LGSN: variants seen among roughly 807,000 people sequenced by gnomAD.
LGSN encodes the protein lengsin, lens protein with glutamine synthetase domain, also known as lengsin.
In LGSN, 21 loss-of-function variants were observed where a neutral mutation model predicts 19.5. The ratio of observed to expected loss-of-function variants is 1.07; its 90% CI spans 0.76 to 1.55. LGSN has a LOEUF of 1.55. Among genes scored for constraint, LGSN ranks in the 40% most tolerant of loss-of-function variants. The pLI, the probability that LGSN is intolerant of heterozygous loss-of-function variation, is 0.00. For missense variants in LGSN, 673 were observed against 608.5 expected (o/e 1.11, Z -1.12); for synonymous variants, 257 against 215.6 (o/e 1.19, Z -1.68).
chr6:63,314,448 A>G (rs984043194), intron 1 of LGSN, among the ~76,000 whole-genome samples: 4 of 152,172 alleles, frequency 2.6e-5, no homozygotes, highest in Non-Finnish European at 4.4e-5. Flanking sequence ...AATTTGTTAT[A>G]TTAGCCCAAA....
At chr6:63,459,553 C>A in the LGSN span, among the ~76,000 whole-genome samples, 2 of 152,006 alleles carry the variant, frequency 1.3e-5, no homozygotes, top group Admixed American at 6.6e-5. Context: ...CCATACCCAC[C>A]CCCGCCGCCC....
At chr6:63,306,381 T>C (rs1768387273) in intron 1 of LGSN, among the ~76,000 whole-genome samples, 1 of 152,228 alleles carries the variant, frequency 6.6e-6, no homozygotes, top group Admixed American at 6.5e-5. Flanking sequence ...GTGTAACTCA[T>C]AAAACTTGTT....
chr6:63,340,201 C>G, the LGSN span, among the ~76,000 whole-genome samples: 2 of 152,084 alleles, frequency 1.3e-5, 1 homozygote, highest in South Asian at 4.1e-4. Context: ...CCTTAGAATT[C>G]TTCTTTGAGT....
At chr6:63,529,175 A>G in the LGSN span, among the ~76,000 whole-genome samples, 12 of 141,982 alleles carry the variant, frequency 8.5e-5, 1 homozygote, top group Admixed American at 1.4e-4. Flanking sequence ...ATATATATAT[A>G]TGTATATATA....
At chr6:63,513,459 A>T in the LGSN span, among the ~76,000 whole-genome samples, 1 of 152,130 alleles carries the variant, frequency 6.6e-6, no homozygotes, top group African/African-American at 2.4e-5. Flanking sequence ...TGGTTACCCA[A>T]TTACAATGTT....
At chr6:63,504,408 A>AT in the LGSN span, among the ~76,000 whole-genome samples, 1 of 151,992 alleles carries the variant, frequency 6.6e-6, no homozygotes, top group African/African-American at 2.4e-5. Flanking sequence ...CGCCCAGCTA[A>AT]TTTTTTGTAT....
the LGSN span, among the ~76,000 whole-genome samples, chr6:63,402,854 A>G: frequency 2.0e-5 from 3 of 152,066 alleles, no homozygotes. Context: ...ATTACCCTCC[A>G]TAATATGGTT....
At chr6:63,500,728 A>AT in the LGSN span, among the ~76,000 whole-genome samples, 36 of 140,016 alleles carry the variant, frequency 2.6e-4, no homozygotes, top group East Asian at 6.3e-4. Flanking sequence ...GCAATTAGTT[A>AT]TTTTTTTTTT....
At chr6:63,403,947 T>C in the LGSN span, among the ~76,000 whole-genome samples, 3 of 114,946 alleles carry the variant, frequency 2.6e-5, no homozygotes, top group Non-Finnish European at 3.3e-5. Context: ...CCTCTCTCTT[T>C]CTCTCTCTCT....
At chr6:63,538,846 T>C in the LGSN span, among the ~76,000 whole-genome samples, 1 of 152,296 alleles carries the variant, frequency 6.6e-6, no homozygotes, top group South Asian at 2.1e-4. Flanking sequence ...ATGCTGATGA[T>C]ACTAGGTGTG....
At chr6:63,435,971 G>T in the LGSN span, among the ~76,000 whole-genome samples, 1 of 146,214 alleles carries the variant, frequency 6.8e-6, no homozygotes, top group East Asian at 2.0e-4. Flanking sequence ...ACTAATCTCT[G>T]TCCTCTGGCT....
At chr6:63,323,560 A>ACG (rs1491568861), upstream of LGSN, among the ~76,000 whole-genome samples, 3 of 9,950 alleles carry the variant, frequency 3.0e-4, no homozygotes, top group East Asian at 9.7e-3. Context: ...AACCTCATAT[A>ACG]CACACACACA....
Position 63,280,885 on chromosome 6 carries a change from C to T in LGSN, c.666G>A (p.Lys222=), listed in dbSNP as rs555441683. 2.5e-6 allele frequency: 4 copies of T among 1,613,982 alleles called. No homozygotes were observed. In the South Asian group the frequency reaches 4.4e-5, roughly 18 times the overall value. Residue 222 remains lysine (K), a synonymous_variant, in exon 4 of 4, where the codon AAG becomes AAA. Transcript: ENST00000370657. ...IFGVPEILNS[K]IISFPALTFL... is the part of the protein sequence containing the mutation. ...ATGTTAAAGCAGGAAAAGATATAAT[C>T]TTTGAATTTAAAATTTCGGGCACAC...
the LGSN span, among the ~76,000 whole-genome samples, chr6:63,484,533 GA>G: frequency 6.6e-6 from 1 of 151,328 alleles, no homozygotes; most frequent in Non-Finnish European, 1.5e-5. Flanking sequence ...CAAAAAAAAA[GA>G]AAAAAAATCC....
At chr6:63,478,291 A>G in the LGSN span, among the ~76,000 whole-genome samples, 3 of 152,324 alleles carry the variant, frequency 2.0e-5, no homozygotes, top group Admixed American at 2.0e-4. Flanking sequence ...TTTAAAATGT[A>G]TAAATGGGTA....
chr6:63,427,913 TAA>T, the LGSN span, among the ~76,000 whole-genome samples: 6 of 151,670 alleles, frequency 4.0e-5, no homozygotes, highest in Non-Finnish European at 7.4e-5. Flanking sequence ...GTTATTGATT[TAA>T]AAAAAAATCT....
the LGSN span, among the ~76,000 whole-genome samples, chr6:63,427,414 C>T: frequency 1.3e-5 from 2 of 151,990 alleles, no homozygotes; most frequent in Non-Finnish European, 2.9e-5. Flanking sequence ...ACCTCAAACT[C>T]GTATTTTTCC....
the LGSN span, among the ~76,000 whole-genome samples, chr6:63,552,552 G>A: frequency 5.9e-5 from 9 of 152,140 alleles, no homozygotes; most frequent in African/African-American, 2.2e-4. Flanking sequence ...GATCCCATTT[G>A]TTAATTTTGG....
At chr6:63,500,473 G>T in the LGSN span, among the ~76,000 whole-genome samples, 4 of 152,042 alleles carry the variant, frequency 2.6e-5, no homozygotes, top group Admixed American at 6.6e-5. Flanking sequence ...CCAGGCTGGA[G>T]TGCAATGGTG....
Sources: allele counts gnomAD v4.1 joint callset (sites outside exome capture counted in the v4.1 genomes callset), GRCh38; gene constraint gnomAD v4.1.1; transcripts MANE v1.5; gene names NCBI Gene and HGNC (gene_info 2026-07-23, HGNC 2026-07-21).